Variants in SEPTIN7 observed in about 807,000 individuals in gnomAD.
SEPTIN7 encodes the protein septin-7.
In SEPTIN7, 10 loss-of-function variants were observed where a neutral mutation model predicts 63.3. The ratio of observed to expected loss-of-function variants is 0.16; its 90% CI spans 0.10 to 0.27. The LOEUF (loss-of-function observed/expected upper bound fraction) is 0.27, where lower values mean the gene tolerates loss of function less well. Ranked by LOEUF, SEPTIN7 falls within the 10% of genes least tolerant of loss-of-function variation. The pLI, the probability that SEPTIN7 is intolerant of heterozygous loss-of-function variation, is 1.00. For synonymous variants in SEPTIN7, 131 were observed against 165.3 expected, an observed-to-expected ratio of 0.79 and a Z score of 1.59; for missense variants, 310 against 521.0, an observed-to-expected ratio of 0.59 and a Z score of 3.94.
intron 1 of SEPTIN7, among the ~76,000 whole-genome samples, chr7:35,829,782 G>A (rs1783733087): frequency 6.6e-6 from 1 of 152,208 alleles, no homozygotes. Flanking sequence ...ATAATGGCAA[G>A]AGCTAAGAAG....
chr7:35,904,122 A>G, intron 13 of SEPTIN7, 132 bp from the exon 14 acceptor site: 1 of 548,770 alleles, frequency 1.8e-6, no homozygotes, highest in Non-Finnish European at 3.1e-6. Flanking sequence ...TAAATCTTTT[A>G]ATTTTTTTCA....
chr7:35,898,378 G>A lies in SEPTIN7; in HGVS notation c.1129G>A (p.Ala377Thr). 6.5e-7 allele frequency: 1 copy of A among 1,544,034 alleles called. No homozygotes were observed. The highest frequency in any genetic ancestry group is 8.8e-7 in the Non-Finnish European group (1 of 1,141,010). Residue 377 changes from alanine to threonine, a missense_variant, in exon 12 of 14, where the codon GCT (alanine) becomes ACT (threonine). Around this residue, in one of 2 missense-constraint regions of SEPTIN7, gnomAD observed 255 missense variants for 490.5 expected, o/e 0.52. Coordinates refer to ENST00000350320, the MANE Select transcript of SEPTIN7 (RefSeq NM_001788.6). ...EKVQKLKDSE[A>T]ELQRRHEQMK... ...AGTTCAAAAACTGAAGGACTCTGAA[G>A]CTGAGGTAATCAGTCTAATATCCCA...
intron 1 of SEPTIN7, among the ~76,000 whole-genome samples, chr7:35,823,245 A>G (rs1209935163): frequency 2.0e-5 from 3 of 152,198 alleles, no homozygotes; most frequent in Admixed American, 6.6e-5. Context: ...CTTGTTGCCC[A>G]GGCTGGAGTA....
At chr7:35,872,920 A>AT (rs1786243773) in intron 5 of SEPTIN7, among the ~76,000 whole-genome samples, 154 bp downstream of exon 5, 1 of 152,106 alleles carries the variant, frequency 6.6e-6, no homozygotes, top group African/African-American at 2.4e-5. Flanking sequence ...TTTGCCACTT[A>AT]TCTGACAAAG....
intron 1 of SEPTIN7, among the ~76,000 whole-genome samples, chr7:35,827,543 T>G (rs1783581560): frequency 1.3e-5 from 2 of 152,120 alleles, no homozygotes; most frequent in African/African-American, 4.8e-5. Flanking sequence ...CAGGTTGGAG[T>G]GCAGTGGCGC....
chr7:35,847,675 T>G (rs1295125852), intron 3 of SEPTIN7, among the ~76,000 whole-genome samples: 1 of 152,188 alleles, frequency 6.6e-6, no homozygotes, highest in Non-Finnish European at 1.5e-5. Context: ...TAATGACAAT[T>G]TCATTGTTAT....
intron 1 of SEPTIN7, among the ~76,000 whole-genome samples, chr7:35,822,215 G>T (rs1394744445): frequency 6.6e-6 from 1 of 151,880 alleles, no homozygotes; most frequent in Non-Finnish European, 1.5e-5. Context: ...GAGGAGCTGG[G>T]ACTACCTGGC....
At chr7:35,896,429 T>C (rs1194047203) in intron 11 of SEPTIN7, among the ~76,000 whole-genome samples, 1 of 152,166 alleles carries the variant, frequency 6.6e-6, no homozygotes, top group East Asian at 1.9e-4. Flanking sequence ...GTGGGAATTA[T>C]AGACTCTTTG....
At chr7:35,832,359 C>T (rs1275353830) in intron 2 of SEPTIN7, among the ~76,000 whole-genome samples, 2 of 151,996 alleles carry the variant, frequency 1.3e-5, no homozygotes, top group Non-Finnish European at 2.9e-5. Flanking sequence ...AGACAAATTT[C>T]AAGAATCTCA....
At chr7:35,831,611 C>T (rs1268025001) in intron 2 of SEPTIN7, 115 bp downstream of exon 2, 1 of 294,560 alleles carries the variant, frequency 3.4e-6, no homozygotes, top group Non-Finnish European at 6.5e-6. Context: ...ATATTTCTAA[C>T]TCCACTCATA....
chr7:35,911,427 C>G (rs1043459622), downstream of SEPTIN7, among the ~76,000 whole-genome samples: 1 of 101,766 alleles, frequency 9.8e-6, no homozygotes, highest in African/African-American at 3.7e-5. Context: ...TATTTGTAAA[C>G]AGAACTGGAC....
At chr7:35,803,284 AT>A in intron 1 of SEPTIN7, 1 of 277,172 alleles carries the variant, frequency 3.6e-6, no homozygotes, top group Non-Finnish European at 5.5e-6. Context: ...CGTAGAAGTC[AT>A]TTTAAGTAAA....
intron 1 of SEPTIN7, among the ~76,000 whole-genome samples, chr7:35,811,715 T>C (rs1280735136): frequency 2.0e-5 from 3 of 152,038 alleles, no homozygotes; most frequent in African/African-American, 7.2e-5. Context: ...GGTGAAACCC[T>C]GTTTCTACTA....
chr7:35,891,197 A>G (rs1265096078), intron 11 of SEPTIN7, among the ~76,000 whole-genome samples: 1 of 152,114 alleles, frequency 6.6e-6, no homozygotes, highest in Admixed American at 6.6e-5. Context: ...TGGTGGTTTC[A>G]TGTTGGGTTC....
Position 35,904,542 on chromosome 7 carries a change from A to G in SEPTIN7, c.*249A>G, listed in dbSNP as rs192644657. Reference sequence around the variant, plus strand: ...TACATTTTCTTTTTTTATTAAACAGATATCTTCAGTTTAATGCAAGAGAAC... The same window carrying G: ...TACATTTTCTTTTTTTATTAAACAGGTATCTTCAGTTTAATGCAAGAGAAC... On this transcript the variant is annotated 3_prime_UTR_variant, in exon 14 of 14. Transcript: ENST00000350320. 1.4e-4 allele frequency: 44 copies of G among 316,610 alleles called. No individual in the cohort carries two copies. Among genetic ancestry groups the G allele is most frequent in the African/African-American group, 7.0e-4 (33 of 46,890 alleles). The allele number at this position is 316,610 out of a possible 1,614,324, so 19.6% of individuals were successfully genotyped here.
At chr7:35,873,575 C>T in intron 5 of SEPTIN7, 66 bp from the exon 6 acceptor site, 1 of 1,486,180 alleles carries the variant, frequency 6.7e-7, no homozygotes, top group East Asian at 2.4e-5. Flanking sequence ...GATTATTGTC[C>T]TTTAACAGTC....
At chr7:35,828,873 G>T (rs1430651458) in intron 1 of SEPTIN7, among the ~76,000 whole-genome samples, 1 of 152,216 alleles carries the variant, frequency 6.6e-6, no homozygotes, top group East Asian at 1.9e-4. Context: ...CAATCCTCTC[G>T]CCTTGGCCTC....
At chr7:35,831,572 A>G (rs2115881371) in intron 2 of SEPTIN7, 76 bp downstream of exon 2, 2 of 382,232 alleles carry the variant, frequency 5.2e-6, no homozygotes, top group African/African-American at 2.2e-5. Flanking sequence ...TGGATGAAAT[A>G]TGAGCCAAGG....
chr7:35,869,382 T>G (rs1786009267), intron 4 of SEPTIN7, among the ~76,000 whole-genome samples: 2 of 152,196 alleles, frequency 1.3e-5, no homozygotes, highest in Non-Finnish European at 2.9e-5. Flanking sequence ...AAGATGATAT[T>G]TGTCTTTTGA....
Sources: gnomAD v4.1 joint callset for allele counts (sites outside exome capture counted in the v4.1 genomes callset) on GRCh38, gnomAD v4.1.1 for gene constraint, gnomAD v4.1.1 regional missense constraint, MANE v1.5 for transcripts, NCBI Gene and HGNC (gene_info 2026-07-23, HGNC 2026-07-21) for gene names.